PIBF1: variants seen among roughly 807,000 people sequenced by gnomAD.
The protein encoded by PIBF1 is progesterone-induced-blocking factor 1.
Under a neutral mutation model 112.5 loss-of-function variants are expected in PIBF1, and 90 were observed. That is an observed-to-expected ratio of 0.80 (90% CI 0.67 to 0.95). The LOEUF (loss-of-function observed/expected upper bound fraction) is 0.95. PIBF1 is among the 40% of genes least tolerant of loss of function. The pLI is 0.00. For missense variants in PIBF1, 915 were observed against 852.3 expected, an observed-to-expected ratio of 1.07 and a Z score of -0.92; for synonymous variants, 301 against 288.6, an observed-to-expected ratio of 1.04 and a Z score of -0.44.
chr13:73,010,234 T>A (rs1218245802), intron 17 of PIBF1, among the ~76,000 whole-genome samples: 5 of 151,130 alleles, frequency 3.3e-5, no homozygotes. Context: ...TGCTAGTTTT[T>A]TTTTTTTTTT....
intron 8 of PIBF1, among the ~76,000 whole-genome samples, chr13:72,829,157 C>A (rs2036976372): frequency 6.6e-6 from 1 of 152,058 alleles, no homozygotes; most frequent in African/African-American, 2.4e-5. Flanking sequence ...TGTTTAAGTT[C>A]TTTGTAGATT....
chr13:72,851,830 CAG>C lies in PIBF1; in HGVS notation c.1224-2222_1224-2221del. ...GGCAGACCTCTGGACGATCTGCCTG[CAG>C]AGAGGAGCTACCAACTGTGGGTCTC... On this transcript the variant is annotated intron_variant, in intron 9 of 17. Transcript: ENST00000326291. Among the ~76,000 whole-genome samples the C allele has an allele frequency of 2.6e-5, 4 of 152,348 alleles. No homozygotes were observed. The East Asian group carries it at 5.8e-4, about 22-fold the overall frequency.
chr13:72,987,632 C>G (rs1162066739), intron 16 of PIBF1, among the ~76,000 whole-genome samples: 1 of 149,760 alleles, frequency 6.7e-6, no homozygotes, highest in East Asian at 1.9e-4. Context: ...TTTTCTTGAG[C>G]CTTCTTTTTA....
At chr13:72,821,828 T>C (rs1314156396) in intron 5 of PIBF1, 21 bp from the exon 6 acceptor site, 1 of 1,589,040 alleles carries the variant, frequency 6.3e-7, no homozygotes, top group Admixed American at 1.8e-5. Context: ...TGAAATGTGT[T>C]ATTATTCCTT....
chr13:72,834,398 G>C (rs951558176), intron 8 of PIBF1, among the ~76,000 whole-genome samples: 9 of 152,160 alleles, frequency 5.9e-5, no homozygotes, highest in Non-Finnish European at 1.3e-4. Flanking sequence ...GCCAAGGCAG[G>C]AGGATTGCTT....
intron 14 of PIBF1, among the ~76,000 whole-genome samples, chr13:72,938,803 C>T (rs1007632144): frequency 5.9e-5 from 9 of 152,196 alleles, no homozygotes; most frequent in African/African-American, 2.2e-4. Context: ...TCAGGGGTTC[C>T]AATTTTTCCA....
intron 14 of PIBF1, among the ~76,000 whole-genome samples, chr13:72,934,868 A>G (rs1305852721): frequency 6.6e-6 from 1 of 152,154 alleles, no homozygotes; most frequent in East Asian, 1.9e-4. Context: ...AAGTTTCCAT[A>G]TGCCCCTTTG....
chr13:72,792,149 A>G (rs1257530722), intron 2 of PIBF1, among the ~76,000 whole-genome samples: 1 of 151,938 alleles, frequency 6.6e-6, no homozygotes, highest in African/African-American at 2.4e-5. Flanking sequence ...TACAAAAATT[A>G]ACCGGGTGTG....
At chr13:72,840,134 A>T (rs2037541034) in intron 9 of PIBF1, among the ~76,000 whole-genome samples, 2 of 152,314 alleles carry the variant, frequency 1.3e-5, no homozygotes, top group South Asian at 4.1e-4. Context: ...TTAATCTCAC[A>T]GTAATCCAAC....
chr13:72,914,759 T>C (rs1407756610), intron 12 of PIBF1, among the ~76,000 whole-genome samples: 1 of 152,102 alleles, frequency 6.6e-6, no homozygotes, highest in East Asian at 1.9e-4. Flanking sequence ...TAATTATTTT[T>C]TGTAGAGACA....
chr13:72,857,699 G>T (rs758890586), intron 10 of PIBF1, among the ~76,000 whole-genome samples: 5 of 152,074 alleles, frequency 3.3e-5, no homozygotes, highest in Admixed American at 2.0e-4. Context: ...TATTAGCCTG[G>T]CATAGTGGCA....
chr13:72,855,227 A>G (rs1244458260), intron 10 of PIBF1, among the ~76,000 whole-genome samples: 2 of 152,220 alleles, frequency 1.3e-5, no homozygotes, highest in South Asian at 2.1e-4. Context: ...GCAAGTCTTC[A>G]TATAATTAAC....
chr13:72,818,678 CTTTTTTTTTTTT>C (rs3077726), intron 5 of PIBF1, among the ~76,000 whole-genome samples: 2 of 80,372 alleles, frequency 2.5e-5, no homozygotes. Context: ...CAGTCTTAAA[CTTTTTTTTTTTT>C]TTTTTTTTTT....
At chr13:72,939,048 A>G (rs940718819) in intron 14 of PIBF1, among the ~76,000 whole-genome samples, 2 of 152,100 alleles carry the variant, frequency 1.3e-5, no homozygotes, top group Non-Finnish European at 2.9e-5. Flanking sequence ...AGAGTTCTTT[A>G]TATATTCTGG....
intron 17 of PIBF1, among the ~76,000 whole-genome samples, chr13:73,013,952 A>G (rs2139069311): frequency 6.6e-6 from 1 of 152,258 alleles, no homozygotes; most frequent in East Asian, 1.9e-4. Context: ...AGAAGTGAAA[A>G]AACAAAAATT....
chr13:72,831,981 T>C (rs1279558674), intron 8 of PIBF1, among the ~76,000 whole-genome samples: 1 of 151,920 alleles, frequency 6.6e-6, no homozygotes, highest in East Asian at 1.9e-4. Flanking sequence ...GCCGCATTGA[T>C]CCCTTTACTA....
chr13:72,920,132 A>G (rs1032401094), intron 13 of PIBF1, among the ~76,000 whole-genome samples: 5 of 152,028 alleles, frequency 3.3e-5, no homozygotes, highest in African/African-American at 9.7e-5. Context: ...TTAATATTTA[A>G]AGTGAGGATT....
chr13:72,864,516 C>G (rs758565414), intron 10 of PIBF1, among the ~76,000 whole-genome samples: 2 of 151,986 alleles, frequency 1.3e-5, no homozygotes, highest in Non-Finnish European at 2.9e-5. Context: ...AACTGAAAAC[C>G]AGAGAAAGTA....
At chr13:72,846,078 C>A (rs1014769975) in intron 9 of PIBF1, among the ~76,000 whole-genome samples, 3 of 152,002 alleles carry the variant, frequency 2.0e-5, no homozygotes, top group Non-Finnish European at 4.4e-5. Flanking sequence ...TTTGTTGGTT[C>A]CTCCTCATCT....
Sources: gnomAD v4.1 joint callset for allele counts (sites outside exome capture counted in the v4.1 genomes callset) on GRCh38, gnomAD v4.1.1 for gene constraint, MANE v1.5 for transcripts, NCBI Gene and HGNC (gene_info 2026-07-23, HGNC 2026-07-21) for gene names.